The following MAMLD1 variants were observed in gnomAD, a reference collection of about 807,000 sequenced individuals.
The protein encoded by MAMLD1 is mastermind-like domain-containing protein 1.
MAMLD1 carries 14 observed loss-of-function variants against 45.0 expected under a neutral mutation model. The observed-to-expected ratio is 0.31, with a 90% confidence interval of 0.21 to 0.49. MAMLD1 has a LOEUF of 0.49. Ranked by LOEUF, MAMLD1 falls within the 20% of genes least tolerant of loss-of-function variation. The pLI, the probability that MAMLD1 is intolerant of heterozygous loss-of-function variation, is 0.99. For synonymous variants in MAMLD1, 254 were observed against 247.8 expected (o/e 1.02, Z -0.24); for missense variants, 543 against 603.6 (o/e 0.90, Z 1.05).
intron 1 of MAMLD1, among the ~76,000 whole-genome samples, chrX:150,386,461 C>T (rs921876234): frequency 3.6e-5 from 4 of 111,258 alleles, no homozygotes; most frequent in Non-Finnish European, 7.5e-5. Context: ...CAGTGTTGAA[C>T]CCATGGAGTT....
At chrX:150,498,780 G>T (rs2037462911) in intron 5 of MAMLD1, among the ~76,000 whole-genome samples, 1 of 112,200 alleles carries the variant, frequency 8.9e-6, no homozygotes, top group Admixed American at 9.4e-5. Context: ...GACTTCAGTT[G>T]TACAGCTTTC....
intron 1 of MAMLD1, among the ~76,000 whole-genome samples, chrX:150,420,014 G>C (rs1461599805): frequency 7.2e-5 from 1 of 13,837 alleles, no homozygotes; most frequent in South Asian, 3.1e-3. Context: ...AGTTCTCCTG[G>C]ATAATATCCT....
intron 1 of MAMLD1, among the ~76,000 whole-genome samples, chrX:150,433,035 T>C (rs1344149299): frequency 8.9e-6 from 1 of 112,377 alleles, no homozygotes; most frequent in Non-Finnish European, 1.9e-5. Context: ...TGATTCTTTC[T>C]ATCCATCAGC....
chrX:150,393,404 T>C (rs1447252105), intron 1 of MAMLD1, among the ~76,000 whole-genome samples: 1 of 112,704 alleles, frequency 8.9e-6, no homozygotes, highest in East Asian at 2.8e-4. Flanking sequence ...CTACTATAAA[T>C]ATCCATGTGC....
At chrX:150,404,171 G>A (rs2033943749) in intron 1 of MAMLD1, among the ~76,000 whole-genome samples, 1 of 110,743 alleles carries the variant, frequency 9.0e-6, no homozygotes, top group South Asian at 3.8e-4. Context: ...TCTTACTTCT[G>A]AATGGATCAA....
At chrX:150,420,697 C>A (rs782404461) in intron 1 of MAMLD1, among the ~76,000 whole-genome samples, 1 of 112,476 alleles carries the variant, frequency 8.9e-6, no homozygotes, top group African/African-American at 3.2e-5. Context: ...AGTACCCTGC[C>A]ATGTGAGGTG....
intron 2 of MAMLD1, among the ~76,000 whole-genome samples, chrX:150,454,999 ATC>A (rs1336680221): frequency 1.8e-5 from 2 of 110,998 alleles, no homozygotes; most frequent in Non-Finnish European, 3.8e-5. Flanking sequence ...TTCTCTCTCT[ATC>A]TCTCTCTCAT....
intron 1 of MAMLD1, among the ~76,000 whole-genome samples, chrX:150,372,681 C>T (rs782772253): frequency 8.9e-6 from 1 of 112,424 alleles, no homozygotes; most frequent in Non-Finnish European, 1.9e-5. Context: ...AATTAATTTC[C>T]GGAATACGGA....
chrX:150,364,629 G>GC (rs1425569311), intron 1 of MAMLD1, among the ~76,000 whole-genome samples: 1 of 112,137 alleles, frequency 8.9e-6, no homozygotes, highest in Admixed American at 9.3e-5. Context: ...GCACCACGGT[G>GC]CCCCCCGGGG....
rs782136779 is a variant in MAMLD1 at position 150,400,627 on chromosome X, G to A, written c.-64+37097G>A. Among the ~76,000 whole-genome samples, 10 of 111,409 alleles carry A rather than the reference G, an allele frequency of 9.0e-5. No homozygotes were observed. The East Asian group carries it at 1.4e-3, about 16-fold the overall frequency. On this transcript the variant is annotated intron_variant, in intron 1 of 7. Coordinates refer to ENST00000370401, the MANE Select transcript of MAMLD1 (RefSeq NM_005491.5). ...GATAGCTCTTATTATTTTGAAATAC[G>A]TCCCATCAATACCTAATTTATTGAG...
chrX:150,406,201 T>A (rs1363500302), intron 1 of MAMLD1, among the ~76,000 whole-genome samples: 1 of 110,542 alleles, frequency 9.0e-6, no homozygotes, highest in Non-Finnish European at 1.9e-5. Context: ...CCTCGCAGCA[T>A]CTGATGGGTA....
intron 1 of MAMLD1, among the ~76,000 whole-genome samples, chrX:150,432,235 T>C (rs1380802314): frequency 1.8e-5 from 2 of 112,037 alleles, no homozygotes; most frequent in African/African-American, 6.5e-5. Flanking sequence ...TTTTAAAAAG[T>C]ATCTATTCGT....
intron 1 of MAMLD1, among the ~76,000 whole-genome samples, chrX:150,420,729 T>A (rs1395105801): frequency 8.9e-6 from 1 of 112,199 alleles, no homozygotes; most frequent in Non-Finnish European, 1.9e-5. Context: ...CTGCTGGGGG[T>A]GCCTCCCAGT....
chrX:150,450,300 C>T (rs987197800), intron 2 of MAMLD1, among the ~76,000 whole-genome samples: 5 of 112,323 alleles, frequency 4.5e-5, no homozygotes, highest in South Asian at 3.7e-4. Context: ...AGTGAGTTGT[C>T]GAAACAGCTC....
chrX:150,374,713 G>A (rs1480307287), intron 1 of MAMLD1, among the ~76,000 whole-genome samples: 10 of 111,638 alleles, frequency 9.0e-5, no homozygotes, highest in African/African-American at 2.3e-4. Flanking sequence ...CCCAGCCCTC[G>A]GCAGTTCCAG....
rs1442886932 is a variant in MAMLD1, at chrX:150,469,871, C to T, written c.298C>T (p.His100Tyr). The T allele has an allele frequency of 2.5e-6, 3 of 1,209,537 alleles. No homozygotes were observed. The highest frequency in any genetic ancestry group is 3.4e-6 in the Non-Finnish European group (3 of 894,839). The change falls in exon 4 of 8, where the codon CAT (histidine) becomes TAT (tyrosine). Residue 100 changes from histidine to tyrosine, a missense_variant. Physicochemically the swap from His to Tyr is moderately conservative, Grantham distance 83. Transcript: ENST00000370401. Reference protein sequence around the residue: ...DVTLAMGPGAHPSTACAELQV... With the variant: ...DVTLAMGPGAYPSTACAELQV... ...CACCCTTGCAATGGGCCCAGGTGCT[C>T]ATCCTAGTACTGCTTGTGCAGAACT...
intron 3 of MAMLD1, among the ~76,000 whole-genome samples, chrX:150,463,774 C>T (rs1252835848): frequency 9.0e-6 from 1 of 110,827 alleles, no homozygotes; most frequent in African/African-American, 3.3e-5. Context: ...TTCAGAGTGG[C>T]AGGTGGTGGC....
At chrX:150,398,299 G>GAAGAAGAAC (rs2033551510) in intron 1 of MAMLD1, among the ~76,000 whole-genome samples, 3 of 92,908 alleles carry the variant, frequency 3.2e-5, no homozygotes, top group African/African-American at 1.2e-4. Flanking sequence ...AGAAGAAGAA[G>GAAGAAGAAC]AAGAAGAAGA....
intron 1 of MAMLD1, among the ~76,000 whole-genome samples, chrX:150,372,858 T>G (rs962227787): frequency 8.9e-6 from 1 of 111,981 alleles, no homozygotes; most frequent in Non-Finnish European, 1.9e-5. Flanking sequence ...GGAGTGTCAC[T>G]GCACTAATCC....
Sources: allele counts gnomAD v4.1 joint callset (sites outside exome capture counted in the v4.1 genomes callset), GRCh38; gene constraint gnomAD v4.1.1; transcripts MANE v1.5; gene names NCBI Gene and HGNC (gene_info 2026-07-23, HGNC 2026-07-21).